Variants in MSANTD7 observed in about 807,000 individuals in gnomAD.
MSANTD7 encodes zinc finger and SCAN domain containing 29.
the MSANTD7 span, chr10:14,838,594 C>T: frequency 7.0e-6 from 6 of 851,382 alleles, no homozygotes; most frequent in Non-Finnish European, 1.0e-5. Flanking sequence ...GAGGACACTC[C>T]GGAGCGAAGG....
chr10:14,845,427 G>A, the MSANTD7 span: 11 of 985,140 alleles, frequency 1.1e-5, no homozygotes, highest in South Asian at 4.7e-5. Flanking sequence ...CAGTGGGAGC[G>A]TACCCAGAAC....
chr10:14,845,012 CTT>C, the MSANTD7 span: 1 of 985,282 alleles, frequency 1.0e-6, no homozygotes. Flanking sequence ...AAGAGAACAG[CTT>C]TGTTTCCTCT....
At chr10:14,844,090 CA>C in the MSANTD7 span, 1 of 1,410,026 alleles carries the variant, frequency 7.1e-7, no homozygotes, top group Non-Finnish European at 9.2e-7. Context: ...TCAGAAATGC[CA>C]GGGGTGACCT....
the MSANTD7 span, among the ~76,000 whole-genome samples, chr10:14,843,187 T>C: frequency 6.6e-6 from 1 of 152,178 alleles, no homozygotes; most frequent in African/African-American, 2.4e-5. Flanking sequence ...GGAGAAGTTT[T>C]AGAGGTGAAA....
At chr10:14,846,043 A>AT in the MSANTD7 span, 1 of 969,728 alleles carries the variant, frequency 1.0e-6, no homozygotes, top group South Asian at 4.8e-5. Flanking sequence ...ACTGGTAACA[A>AT]TTTTAAGGTA....
At chr10:14,838,598 G>T in the MSANTD7 span, 1 of 818,878 alleles carries the variant, frequency 1.2e-6, no homozygotes, top group Non-Finnish European at 1.8e-6. Context: ...ACACTCCGGA[G>T]CGAAGGGCCG....
At chr10:14,845,958 A>G in the MSANTD7 span, 29 of 889,906 alleles carry the variant, frequency 3.3e-5, no homozygotes, top group African/African-American at 4.3e-4. Context: ...TTGAAATAGC[A>G]TAATAAAAGA....
the MSANTD7 span, chr10:14,846,428 TG>T: frequency 2.0e-6 from 2 of 985,332 alleles, no homozygotes; most frequent in Non-Finnish European, 2.4e-6. Flanking sequence ...AACCCTAATG[TG>T]GGAATAAAAG....
At chr10:14,840,643 C>T in the MSANTD7 span, among the ~76,000 whole-genome samples, 422 of 152,276 alleles carry the variant, frequency 2.8e-3, 1 homozygote, top group African/African-American at 9.6e-3. Context: ...GCTAAATTAA[C>T]GTCTTATGTA....
At chr10:14,843,422 G>A in the MSANTD7 span, 3 of 1,550,714 alleles carry the variant, frequency 1.9e-6, no homozygotes, top group African/African-American at 1.4e-5. Context: ...CTTTTCAGAG[G>A]TGCAGTTGCT....
At chr10:14,843,911 G>C in the MSANTD7 span, 1 of 1,535,698 alleles carries the variant, frequency 6.5e-7, no homozygotes, top group South Asian at 1.2e-5. Flanking sequence ...ATTACAAAAG[G>C]CTCTGCTTCC....
the MSANTD7 span, chr10:14,846,792 C>T: frequency 6.8e-5 from 67 of 985,210 alleles, no homozygotes; most frequent in Non-Finnish European, 7.7e-5. Context: ...GTGCCAAGCC[C>T]GTGGGCTGTT....
the MSANTD7 span, among the ~76,000 whole-genome samples, chr10:14,843,142 G>A: frequency 6.6e-6 from 1 of 152,174 alleles, no homozygotes; most frequent in African/African-American, 2.4e-5. Flanking sequence ...AGAGTGGGTT[G>A]GATAGCTATG....
the MSANTD7 span, chr10:14,844,076 C>T: frequency 9.8e-6 from 14 of 1,424,090 alleles, no homozygotes; most frequent in East Asian, 3.1e-4. Context: ...AAATGGAAGA[C>T]CTTTCAGAAA....
chr10:14,844,494 A>G, the MSANTD7 span: 1 of 754,664 alleles, frequency 1.3e-6, no homozygotes, highest in Non-Finnish European at 1.5e-6. Context: ...AGACGACTAT[A>G]AGCACAACCT....
At chr10:14,839,854 C>A in the MSANTD7 span, 1 of 1,355,302 alleles carries the variant, frequency 7.4e-7, no homozygotes. Context: ...CACAAATGCA[C>A]ACGTCTGAAT....
At chr10:14,838,586 G>C in the MSANTD7 span, 1 of 913,856 alleles carries the variant, frequency 1.1e-6, no homozygotes, top group South Asian at 1.7e-5. Flanking sequence ...GTTGCCGCGA[G>C]GACACTCCGG....
the MSANTD7 span, chr10:14,846,272 G>A: frequency 1.0e-6 from 1 of 985,412 alleles, no homozygotes; most frequent in Non-Finnish European, 1.2e-6. Flanking sequence ...AGAAGTACTT[G>A]ACGGAGAGTT....
At chr10:14,838,396 C>T in the MSANTD7 span, 109,591 of 1,601,624 alleles carry the variant, frequency 0.068, 4,437 homozygotes, top group Non-Finnish European at 0.079. Context: ...GCCGTCCCTG[C>T]TGCCTCATGG....
Sources: gnomAD v4.1 joint callset for allele counts (sites outside exome capture counted in the v4.1 genomes callset) on GRCh38, gnomAD v4.1.1 for gene constraint, MANE v1.5 for transcripts, NCBI Gene and HGNC (gene_info 2026-07-23, HGNC 2026-07-21) for gene names.